The following NR3C1 variants were observed in gnomAD, a reference collection of about 807,000 sequenced individuals.
NR3C1 encodes glucocorticoid receptor.
Under a neutral mutation model 74.0 loss-of-function variants are expected in NR3C1, and 14 were observed. The observed-to-expected ratio is 0.19, with a 90% CI of 0.12 to 0.30. The LOEUF (loss-of-function observed/expected upper bound fraction) is 0.30. NR3C1 is among the 10% of genes least tolerant of loss of function. The pLI, the probability that NR3C1 is intolerant of heterozygous loss-of-function variation, is 1.00. For synonymous variants in NR3C1, 308 were observed against 332.5 expected (o/e 0.93, Z 0.80); for missense variants, 695 against 909.8 (o/e 0.76, Z 3.04).
intron 1 of NR3C1, among the ~76,000 whole-genome samples, chr5:143,417,951 C>T (rs903996559): frequency 2.0e-5 from 3 of 152,182 alleles, no homozygotes; most frequent in African/African-American, 7.2e-5. Flanking sequence ...CCACATCCAG[C>T]TGAGCATGCT....
chr5:143,293,021 T>C (rs781462664), intron 7 of NR3C1, among the ~76,000 whole-genome samples: 1 of 152,224 alleles, frequency 6.6e-6, no homozygotes, highest in Non-Finnish European at 1.5e-5. Context: ...TACACAATCA[T>C]TAAAAACAAT....
intron 2 of NR3C1, among the ~76,000 whole-genome samples, chr5:143,325,446 C>T (rs1453091512): frequency 1.3e-5 from 2 of 152,186 alleles, no homozygotes; most frequent in Non-Finnish European, 2.9e-5. Flanking sequence ...CTGGGAGATA[C>T]AATTCACGTT....
At chr5:143,311,971 A>G (rs1184108018) in intron 3 of NR3C1, among the ~76,000 whole-genome samples, 1 of 151,452 alleles carries the variant, frequency 6.6e-6, no homozygotes, top group Non-Finnish European at 1.5e-5. Context: ...TTTTCCTGTC[A>G]ACCCTTCTGA....
intron 7 of NR3C1, among the ~76,000 whole-genome samples, chr5:143,293,336 C>G (rs771536774): frequency 2.2e-4 from 33 of 152,022 alleles, no homozygotes; most frequent in Non-Finnish European, 4.7e-4. Context: ...TATGAAGATG[C>G]AAAGGCATGA....
At chr5:143,376,103 C>A (rs1307679819) in intron 2 of NR3C1, among the ~76,000 whole-genome samples, 1 of 151,900 alleles carries the variant, frequency 6.6e-6, no homozygotes, top group African/African-American at 2.4e-5. Flanking sequence ...AAAATTTTTA[C>A]CCATCAGAAA....
chr5:143,306,179 C>T (rs1343315318), intron 4 of NR3C1, among the ~76,000 whole-genome samples: 1 of 152,026 alleles, frequency 6.6e-6, no homozygotes, highest in African/African-American at 2.4e-5. Context: ...CAGTGAAGGC[C>T]ACTCCCTTAA....
At chr5:143,426,743 C>T (rs551407042) in intron 1 of NR3C1, among the ~76,000 whole-genome samples, 1 of 152,186 alleles carries the variant, frequency 6.6e-6, no homozygotes, top group Non-Finnish European at 1.5e-5. Flanking sequence ...CAAATCCTGT[C>T]TCATAGGTAC....
intron 1 of NR3C1, among the ~76,000 whole-genome samples, chr5:143,418,852 T>C (rs1751062637): frequency 6.6e-6 from 1 of 152,190 alleles, no homozygotes; most frequent in African/African-American, 2.4e-5. Flanking sequence ...ACACTCCAAG[T>C]TGTGTGACCT....
At chr5:143,419,223 A>G (rs1311206211) in intron 1 of NR3C1, among the ~76,000 whole-genome samples, 4 of 152,178 alleles carry the variant, frequency 2.6e-5, no homozygotes, top group Admixed American at 2.0e-4. Flanking sequence ...TATTCAATCT[A>G]TATTACTACC....
intron 7 of NR3C1, chr5:143,293,976 T>C: frequency 1.0e-6 from 1 of 985,328 alleles, no homozygotes; most frequent in Non-Finnish European, 1.2e-6. Context: ...CTTAATCACT[T>C]CTTTAACAAG....
chr5:143,412,326 A>G (rs916774445), intron 1 of NR3C1, among the ~76,000 whole-genome samples: 2 of 152,030 alleles, frequency 1.3e-5, no homozygotes, highest in African/African-American at 4.8e-5. Context: ...GAACTCACAT[A>G]CTAAGCTACT....
intron 2 of NR3C1, among the ~76,000 whole-genome samples, chr5:143,378,442 TAAGAA>T (rs1000479343): frequency 3.9e-5 from 6 of 152,178 alleles, no homozygotes; most frequent in African/African-American, 1.4e-4. Flanking sequence ...TCTTTTCTTC[TAAGAA>T]AAGAAGCTTA....
intron 2 of NR3C1, among the ~76,000 whole-genome samples, chr5:143,348,899 C>T (rs897189729): frequency 1.3e-5 from 2 of 152,086 alleles, no homozygotes; most frequent in African/African-American, 4.8e-5. Context: ...ATATTTTTCC[C>T]TACAAATGCT....
intron 2 of NR3C1, among the ~76,000 whole-genome samples, chr5:143,323,410 G>A (rs1428440713): frequency 6.6e-6 from 1 of 152,146 alleles, no homozygotes; most frequent in African/African-American, 2.4e-5. Flanking sequence ...GATCTCGTCA[G>A]TCTTATTCAC....
chr5:143,418,153 T>C (rs1751010307), intron 1 of NR3C1, among the ~76,000 whole-genome samples: 1 of 152,212 alleles, frequency 6.6e-6, no homozygotes, highest in South Asian at 2.1e-4. Flanking sequence ...ACACTAAACA[T>C]AGTGATATAT....
intron 2 of NR3C1, among the ~76,000 whole-genome samples, chr5:143,314,682 A>T (rs540195547): frequency 5.3e-5 from 8 of 152,272 alleles, no homozygotes; most frequent in Admixed American, 6.5e-5. Flanking sequence ...AAATTCAATC[A>T]AGTGTCATTA....
chr5:143,289,384 A>G (rs186675967), intron 7 of NR3C1, among the ~76,000 whole-genome samples: 90 of 152,344 alleles, frequency 5.9e-4, no homozygotes, highest in Non-Finnish European at 1.1e-3. Context: ...GCAACCAGAT[A>G]TGGATTTTGG....
At chr5:143,410,120 G>A (rs995311562) in intron 1 of NR3C1, among the ~76,000 whole-genome samples, 6 of 152,164 alleles carry the variant, frequency 3.9e-5, no homozygotes, top group Non-Finnish European at 5.9e-5. Context: ...CAAGTATTAC[G>A]TACTTTGTTT....
chr5:143,291,382 C>A (rs1268746176), intron 7 of NR3C1, among the ~76,000 whole-genome samples: 1 of 152,006 alleles, frequency 6.6e-6, no homozygotes, highest in Non-Finnish European at 1.5e-5. Flanking sequence ...CGCACCACCA[C>A]CCCCAGCTAA....
Sources: gnomAD v4.1 joint callset for allele counts (sites outside exome capture counted in the v4.1 genomes callset) on GRCh38, gnomAD v4.1.1 for gene constraint, MANE v1.5 for transcripts, NCBI Gene and HGNC (gene_info 2026-07-23, HGNC 2026-07-21) for gene names.